The following MAP2K6 variants were observed in gnomAD, a reference collection of about 807,000 sequenced individuals.
MAP2K6 encodes the protein mitogen-activated protein kinase kinase 6, also known as dual specificity mitogen-activated protein kinase kinase 6.
Under a neutral mutation model 53.7 loss-of-function variants are expected in MAP2K6, and 16 were observed. The ratio of observed to expected loss-of-function variants is 0.30; its 90% CI spans 0.20 to 0.45. MAP2K6 has a LOEUF of 0.45. MAP2K6 is among the 20% of genes least tolerant of loss of function. MAP2K6 has a pLI of 1.00. For missense variants in MAP2K6, 204 were observed against 411.9 expected, an observed-to-expected ratio of 0.50 and a Z score of 4.37; for synonymous variants, 132 against 143.1, an observed-to-expected ratio of 0.92 and a Z score of 0.55.
chr17:69,522,890 CAAAAAAAA>C (rs34231223), intron 7 of MAP2K6, among the ~76,000 whole-genome samples: 1 of 98,902 alleles, frequency 1.0e-5, no homozygotes, highest in Non-Finnish European at 2.1e-5. Context: ...TCCTGTCTGT[CAAAAAAAA>C]AAAAAAAAAA....
At chr17:69,535,551 G>C (rs565615985) in intron 10 of MAP2K6, among the ~76,000 whole-genome samples, 35 of 152,134 alleles carry the variant, frequency 2.3e-4, no homozygotes, top group Non-Finnish European at 3.4e-4. Flanking sequence ...GAGATTGTAT[G>C]CCCCTGCACT....
chr17:69,503,232 C>A (rs893438757), intron 1 of MAP2K6, among the ~76,000 whole-genome samples: 7 of 152,320 alleles, frequency 4.6e-5, no homozygotes, highest in South Asian at 2.1e-4. Context: ...TTGAATCCGT[C>A]ATTCATTCCT....
intron 1 of MAP2K6, among the ~76,000 whole-genome samples, chr17:69,421,476 C>A (rs1906076591): frequency 6.6e-6 from 1 of 151,906 alleles, no homozygotes; most frequent in African/African-American, 2.4e-5. Context: ...GTTTTAGGAG[C>A]TGGTTTTTAA....
chr17:69,496,592 C>T (rs1038492205), intron 1 of MAP2K6, among the ~76,000 whole-genome samples: 14 of 152,276 alleles, frequency 9.2e-5, no homozygotes, highest in African/African-American at 3.4e-4. Context: ...TGGTCTCGAA[C>T]TCCTGACCTA....
chr17:69,551,657 T>A lies in MAP2K6; in HGVS notation c.*9904T>A, dbSNP rs191487603. ...TTTATCTCCTGTATTACCTCTGTGT[T>A]TGATTTATTCTTTAGTCTCAAATTT... On this transcript the variant is annotated 3_prime_UTR_variant, in exon 12 of 12. Transcript: ENST00000590474. The A allele has an allele frequency of 6.6e-6, 1 of 152,370 alleles. No individual in the cohort carries two copies. Among genetic ancestry groups the A allele is most frequent in the East Asian group, 1.9e-4 (1 of 5,192 alleles). The allele number at this position is 152,370 out of a possible 1,614,324, so 9.4% of individuals were successfully genotyped here.
intron 1 of MAP2K6, among the ~76,000 whole-genome samples, chr17:69,483,844 AAAG>A (rs1908431811): frequency 6.6e-6 from 1 of 152,060 alleles, no homozygotes; most frequent in Non-Finnish European, 1.5e-5. Context: ...ATTCAGGGGG[AAAG>A]GAGTAGTCTT....
intron 1 of MAP2K6, among the ~76,000 whole-genome samples, chr17:69,493,043 G>T (rs935942549): frequency 6.6e-6 from 1 of 152,044 alleles, no homozygotes; most frequent in Non-Finnish European, 1.5e-5. Flanking sequence ...ATCAAATGAA[G>T]ATGTCTACAT....
intron 7 of MAP2K6, 75 bp downstream of exon 7, chr17:69,521,175 C>A (rs1369472931): frequency 7.5e-7 from 1 of 1,340,862 alleles, no homozygotes; most frequent in Non-Finnish European, 1.1e-6. Flanking sequence ...GTCTCTACCC[C>A]CAGTCCCCCA....
At chr17:69,435,958 G>C (rs1458727260) in intron 1 of MAP2K6, among the ~76,000 whole-genome samples, 1 of 151,706 alleles carries the variant, frequency 6.6e-6, no homozygotes, top group Non-Finnish European at 1.5e-5. Context: ...GTGAGCCACT[G>C]TGCCCAGCCG....
At chr17:69,540,148 C>CA (rs1432664684) in intron 11 of MAP2K6, among the ~76,000 whole-genome samples, 1 of 152,136 alleles carries the variant, frequency 6.6e-6, no homozygotes, top group African/African-American at 2.4e-5. Context: ...AGCAGGAACT[C>CA]AGTTTTCCAC....
chr17:69,445,002 C>T (rs1906929281), intron 1 of MAP2K6, among the ~76,000 whole-genome samples: 2 of 152,148 alleles, frequency 1.3e-5, no homozygotes, highest in African/African-American at 2.4e-5. Flanking sequence ...CTCACAGCAA[C>T]CTCTGCCACC....
rs919984231 is a variant in MAP2K6, at chr17:69,553,561, A to G, written c.*11808A>G. ...TCATACTGCTGAGGAGAAAGGAACA[A>G]GCTGCAGACACTGTAACTGGTCTCC... On this transcript the variant is annotated 3_prime_UTR_variant, in exon 12 of 12. Coordinates refer to ENST00000590474, the MANE Select transcript of MAP2K6 (RefSeq NM_002758.4). The G allele has an allele frequency of 2.6e-5, 4 of 152,278 alleles. No homozygotes were observed. Among genetic ancestry groups the G allele is most frequent in the African/African-American group, 9.6e-5 (4 of 41,476 alleles). 9.4% of individuals were successfully genotyped at this position (152,278 alleles called of 1,614,324 possible). A position where few individuals can be genotyped will look rare whatever the true frequency, so the allele number is the denominator to read the frequency against.
intron 10 of MAP2K6, among the ~76,000 whole-genome samples, chr17:69,532,581 C>G (rs2715834): frequency 0.32 from 48,635 of 152,130 alleles, 8,685 homozygotes; most frequent in East Asian, 0.53. Flanking sequence ...ATTTCAAGTA[C>G]TTCCTACTAA....
intron 1 of MAP2K6, among the ~76,000 whole-genome samples, chr17:69,466,626 C>G (rs778083993): frequency 4.5e-4 from 68 of 152,240 alleles, no homozygotes; most frequent in Admixed American, 3.9e-4. Flanking sequence ...ATCAGATGCT[C>G]TTAGCAATCC....
intron 1 of MAP2K6, among the ~76,000 whole-genome samples, chr17:69,475,286 A>T (rs57632586): frequency 0.092 from 13,739 of 148,734 alleles, 692 homozygotes; most frequent in Middle Eastern, 0.19. Flanking sequence ...CTCCTGCCTC[A>T]GCCTCCCAAG....
intron 11 of MAP2K6, among the ~76,000 whole-genome samples, chr17:69,537,675 C>T (rs1170081657): frequency 6.6e-6 from 1 of 152,168 alleles, no homozygotes; most frequent in Non-Finnish European, 1.5e-5. Context: ...AACCATTTTG[C>T]AACTGGATGA....
At chr17:69,444,638 T>A (rs1906916059) in intron 1 of MAP2K6, among the ~76,000 whole-genome samples, 1 of 152,338 alleles carries the variant, frequency 6.6e-6, no homozygotes, top group East Asian at 1.9e-4. Context: ...AGTCTCTCCA[T>A]GTCTGCATCA....
chr17:69,504,987 A>G (rs148203017), intron 1 of MAP2K6, among the ~76,000 whole-genome samples: 49 of 152,126 alleles, frequency 3.2e-4, no homozygotes, highest in African/African-American at 1.2e-3. Flanking sequence ...TTTTTATTCT[A>G]CTTCCATTGC....
intron 1 of MAP2K6, among the ~76,000 whole-genome samples, chr17:69,465,035 GAATA>G (rs1907750519): frequency 6.6e-6 from 1 of 151,940 alleles, no homozygotes; most frequent in African/African-American, 2.4e-5. Context: ...TTATTTAAGA[GAATA>G]AATATTGTGT....
Sources: allele counts gnomAD v4.1 joint callset (sites outside exome capture counted in the v4.1 genomes callset), GRCh38; gene constraint gnomAD v4.1.1; transcripts MANE v1.5; gene names NCBI Gene and HGNC (gene_info 2026-07-23, HGNC 2026-07-21).